The following BICD1 variants were observed in gnomAD, a reference collection of about 807,000 sequenced individuals.
The protein encoded by BICD1 is protein bicaudal D homolog 1.
Under a neutral mutation model 92.5 loss-of-function variants are expected in BICD1, and 35 were observed. That is an observed-to-expected ratio of 0.38 (90% CI 0.29 to 0.50). The LOEUF is 0.50. BICD1 is among the 20% of genes least tolerant of loss of function. The pLI is 0.93. For missense variants in BICD1, 950 were observed against 1,189.8 expected (o/e 0.80, Z 2.97); for synonymous variants, 429 against 465.1 (o/e 0.92, Z 1.00).
intron 8 of BICD1, chr12:32,339,851 A>T (rs1938292192): frequency 1.1e-5 from 11 of 968,984 alleles, no homozygotes; most frequent in Non-Finnish European, 1.3e-5. Flanking sequence ...AAGAGATTTT[A>T]TATGAACATC....
At chr12:32,374,239 G>GA (rs1014235542) in intron 9 of BICD1, among the ~76,000 whole-genome samples, 2 of 150,784 alleles carry the variant, frequency 1.3e-5, no homozygotes, top group African/African-American at 2.4e-5. Context: ...GAAAAGAAAA[G>GA]AAAAAAAAGC....
intron 1 of BICD1, among the ~76,000 whole-genome samples, chr12:32,178,548 G>T (rs1436700328): frequency 6.6e-6 from 1 of 151,974 alleles, no homozygotes; most frequent in Non-Finnish European, 1.5e-5. Flanking sequence ...GGGATGAAAG[G>T]GGACTGGCCT....
intron 2 of BICD1, among the ~76,000 whole-genome samples, chr12:32,217,650 C>A (rs1023341933): frequency 6.6e-6 from 1 of 152,148 alleles, no homozygotes. Context: ...GAAGATGAGA[C>A]AGTTTTCAGG....
intron 4 of BICD1, among the ~76,000 whole-genome samples, chr12:32,308,231 GA>G (rs1247093932): frequency 4.6e-5 from 7 of 152,222 alleles, no homozygotes; most frequent in Non-Finnish European, 8.8e-5. Flanking sequence ...CTCATTGCCA[GA>G]GAATGTTTTC....
rs1004316842 is a variant in BICD1 at position 32,337,428 on chromosome 12, C to G, written c.2253-71C>G. The G allele has an allele frequency of 6.9e-7, 1 of 1,446,616 alleles. No homozygotes were observed. The highest frequency in any genetic ancestry group is 1.4e-5 in the African/African-American group (1 of 70,394). The allele number at this position is 1,446,616 out of a possible 1,614,324, so 89.6% of individuals were successfully genotyped here. A position where few individuals can be genotyped will look rare whatever the true frequency, so the allele number is the denominator to read the frequency against. ...TTCTAAATTTCGGTCAAATTTATTA[C>G]TTTTCAGCTTAACTCCCAAATTCAG... On this transcript the variant is annotated intron_variant, in intron 6 of 9. Coordinates refer to ENST00000652176, the MANE Select transcript of BICD1 (RefSeq NM_001714.4). The surrounding 1 kb of genome is among the most constrained non-coding windows in gnomAD (Gnocchi z 4.7).
rs192289236 is a variant in BICD1 at position 32,304,871 on chromosome 12, A to T, written c.580-826A>T. ...TCTCTACAAGAAATAAAAATAAAAA[A>T]TAAAAAAAATAGCCAGGTATGGTGG... On this transcript the variant is annotated intron_variant, in intron 3 of 9. Coordinates refer to ENST00000652176, the MANE Select transcript of BICD1 (RefSeq NM_001714.4). Among the ~76,000 whole-genome samples the T allele has an allele frequency of 5.2e-3, 759 of 144,932 alleles. 5 individuals are homozygous for T. The highest frequency in any genetic ancestry group is 0.02 in the African/African-American group (727 of 36,688).
intron 2 of BICD1, among the ~76,000 whole-genome samples, chr12:32,257,868 A>G (rs773245729): frequency 9.9e-5 from 15 of 152,226 alleles, no homozygotes; most frequent in Non-Finnish European, 1.8e-4. Context: ...TAATATATAG[A>G]TGATACATGT....
At chr12:32,361,253 C>T (rs325430) in intron 8 of BICD1, among the ~76,000 whole-genome samples, 4,258 of 152,164 alleles carry the variant, frequency 0.028, 202 homozygotes, top group African/African-American at 0.097. Flanking sequence ...ATTGACATCA[C>T]GTCTTAAAAG....
chr12:32,155,519 T>C (rs146123302), intron 1 of BICD1, among the ~76,000 whole-genome samples: 80 of 152,242 alleles, frequency 5.3e-4, no homozygotes, highest in African/African-American at 1.9e-3. Flanking sequence ...AGTAAGAACA[T>C]CTCAAAGTCA....
chr12:32,170,564 ATT>A (rs1439237985), intron 1 of BICD1, among the ~76,000 whole-genome samples: 8 of 152,318 alleles, frequency 5.3e-5, no homozygotes, highest in Non-Finnish European at 7.4e-5. Context: ...ATGGATCTAG[ATT>A]CTATGTCCTC....
intron 1 of BICD1, among the ~76,000 whole-genome samples, chr12:32,146,869 CTCT>C (rs1273468770): frequency 1.4e-5 from 2 of 138,124 alleles, no homozygotes; most frequent in African/African-American, 5.4e-5. Flanking sequence ...CTTCTCCTTC[CTCT>C]TCTTCTTCCT....
At chr12:32,203,904 C>G (rs17587970) in intron 1 of BICD1, among the ~76,000 whole-genome samples, 12,088 of 152,166 alleles carry the variant, frequency 0.079, 559 homozygotes, top group South Asian at 0.18. Context: ...TGTGGGACTT[C>G]TCTTCATCAA....
rs1410934385 is a variant in BICD1 at position 32,327,650 on chromosome 12, T to G, written c.1195T>G (p.Ser399Ala). 4 of 1,614,016 alleles carry G rather than the reference T, an allele frequency of 2.5e-6. No homozygotes were observed. The African/African-American group carries it at 5.3e-5, about 22-fold the overall frequency. The part of the protein sequence containing the change: ...AELDGEKGRD[S>A]GEEAHDYEVD... The stretch of plus-strand genomic sequence containing the variant: ...GCTGGACGGGGAGAAGGGCCGGGAC[T>G]CAGGGGAGGAGGCCCATGACTATGA... The change falls in exon 5 of 10, where the codon TCA (serine) becomes GCA (alanine). Residue 399 changes from serine (S) to alanine (A), a missense_variant. Physicochemically the swap from Ser to Ala is moderately conservative, Grantham distance 99 (BLOSUM62 1). Around this residue, in one of 5 missense-constraint regions of BICD1, gnomAD observed 246 missense variants for 258.4 expected, o/e 0.95. Transcript: ENST00000652176.
Position 32,327,582 on chromosome 12 carries a change from A to G in BICD1, c.1127A>G (p.Asn376Ser), listed in dbSNP as rs1948816977. The change falls in exon 5 of 10, where the codon AAT becomes AGT. Residue 376 changes from asparagine to serine, a missense_variant. By Grantham distance (46) the Asn-to-Ser change is conservative. This residue lies in a region of BICD1 where 246 missense variants were observed against 258.4 expected (regional missense o/e 0.95). Transcript: ENST00000652176. The part of the protein sequence containing the change: ...ERVHRLTEHV[N>S]AMRGLQSSKE... ...GTGCACCGGCTCACAGAGCACGTCA[A>G]TGCCATGAGGGGCCTGCAAAGCAGC... 1.9e-6 allele frequency: 3 copies of G among 1,614,178 alleles called. No individual in the cohort carries two copies. The highest frequency in any genetic ancestry group is 1.1e-5 in the South Asian group (1 of 91,080).
At position 32,239,098 on chromosome 12, in the gene BICD1, T is replaced by C. The variant is rs553928160; in HGVS notation, c.426+22639T>C. On this transcript the variant is annotated intron_variant, in intron 2 of 9. Coordinates refer to ENST00000652176, the MANE Select transcript of BICD1 (RefSeq NM_001714.4). ...CGTCTCTACTAAAAATACAAAAAAA[T>C]TAGCTGGGCGTGGTGGCAGGTGCCT... 4.2e-5 allele frequency among the ~76,000 whole-genome samples: 6 copies of C among 143,526 alleles called. No homozygotes were observed. In the South Asian group the frequency reaches 1.3e-3, roughly 32 times the overall value. 94.2% of individuals were successfully genotyped at this position (143,526 alleles called of 152,430 possible). A position where few individuals can be genotyped will look rare whatever the true frequency, so the allele number is the denominator to read the frequency against.
intron 4 of BICD1, among the ~76,000 whole-genome samples, chr12:32,321,449 C>G (rs988481246): frequency 6.6e-6 from 1 of 152,272 alleles, no homozygotes; most frequent in East Asian, 1.9e-4. Context: ...TTTACAAATA[C>G]TGAAGTCAGG....
intron 2 of BICD1, among the ~76,000 whole-genome samples, chr12:32,234,664 T>C (rs1266432790): frequency 2.0e-5 from 3 of 146,558 alleles, no homozygotes; most frequent in African/African-American, 7.7e-5. Flanking sequence ...CCACTTTTTT[T>C]TTCTTTCTTT....
intron 5 of BICD1, chr12:32,332,972 CTT>C (rs1206200717): frequency 9.1e-6 from 9 of 985,260 alleles, no homozygotes; most frequent in Non-Finnish European, 1.1e-5. Context: ...TCTGGAAAAA[CTT>C]TGCACAGTCA....
In BICD1 at chr12:32,168,503, T is replaced by G. The variant is rs182271507; in HGVS notation, c.214-47744T>G. 2.1e-3 allele frequency among the ~76,000 whole-genome samples: 313 copies of G among 152,196 alleles called. 3 individuals carry two copies. The highest frequency in any genetic ancestry group is 3.3e-3 in the Non-Finnish European group (225 of 68,014). ...GGGTGGGGTTGGGTGTCCTTGAGATTGAGGTGAGAACAGTTGCCTGAGAAC... is the reference window on the plus strand; with the variant it reads ...GGGTGGGGTTGGGTGTCCTTGAGATGGAGGTGAGAACAGTTGCCTGAGAAC... On this transcript the variant is annotated intron_variant, in intron 1 of 9. Transcript: ENST00000652176.
Sources: allele counts gnomAD v4.1 joint callset (sites outside exome capture counted in the v4.1 genomes callset), GRCh38; gene constraint gnomAD v4.1.1; regional missense constraint gnomAD v4.1.1; non-coding constraint Gnocchi (gnomAD v3.1); transcripts MANE v1.5; gene names NCBI Gene and HGNC (gene_info 2026-07-23, HGNC 2026-07-21).